The following SIPA1L3 variants were observed in gnomAD, a reference collection of about 807,000 sequenced individuals.
SIPA1L3 encodes signal induced proliferation associated 1 like 3.
In SIPA1L3, 59 loss-of-function variants were observed where a neutral mutation model predicts 150.1. The observed-to-expected ratio is 0.39, with a 90% CI of 0.32 to 0.49. SIPA1L3 has a LOEUF of 0.49. SIPA1L3 is among the 20% of genes least tolerant of loss of function. The pLI is 0.86. For synonymous variants in SIPA1L3, 1,070 were observed against 1,077.6 expected (o/e 0.99, Z 0.14); for missense variants, 2,211 against 2,489.5 (o/e 0.89, Z 2.38).
chr19:37,980,854 G>A (rs1967184820), intron 1 of SIPA1L3, among the ~76,000 whole-genome samples: 1 of 152,226 alleles, frequency 6.6e-6, no homozygotes, highest in African/African-American at 2.4e-5. Flanking sequence ...TCTCCTGTGA[G>A]CTGCGCTCAA....
At chr19:38,204,469 C>T (rs1264750122) in intron 21 of SIPA1L3, among the ~76,000 whole-genome samples, 2 of 152,166 alleles carry the variant, frequency 1.3e-5, no homozygotes, top group East Asian at 1.9e-4. Flanking sequence ...ATCAAAAAAA[C>T]ACAAAAAAAC....
chr19:38,125,955 C>A (rs1265677428), intron 9 of SIPA1L3, among the ~76,000 whole-genome samples: 1 of 152,126 alleles, frequency 6.6e-6, no homozygotes, highest in African/African-American at 2.4e-5. Flanking sequence ...GGGTGGATCA[C>A]CAGGTCAAGA....
intron 1 of SIPA1L3, chr19:37,964,378 C>T (rs1452540819): frequency 6.6e-6 from 1 of 152,194 alleles, no homozygotes; most frequent in Non-Finnish European, 1.5e-5. Context: ...GGTGGTAGAG[C>T]AAGATCCTGT....
intron 1 of SIPA1L3, among the ~76,000 whole-genome samples, chr19:37,944,842 C>T (rs833925): frequency 2.6e-5 from 4 of 151,902 alleles, no homozygotes; most frequent in African/African-American, 4.8e-5. Flanking sequence ...CCCAGCTACT[C>T]GGGAGGCTGA....
chr19:38,087,194 C>T (rs1662112766), intron 3 of SIPA1L3, among the ~76,000 whole-genome samples: 1 of 152,118 alleles, frequency 6.6e-6, no homozygotes, highest in Non-Finnish European at 1.5e-5. Flanking sequence ...AGTCATTGGT[C>T]AGTGTTTATT....
chr19:37,987,831 A>G (rs1967398778), intron 1 of SIPA1L3, among the ~76,000 whole-genome samples: 1 of 152,202 alleles, frequency 6.6e-6, no homozygotes, highest in African/African-American at 2.4e-5. Flanking sequence ...CTGCTCAGTA[A>G]ATGGTGGGTG....
chr19:38,008,949 C>A (rs867708641), intron 1 of SIPA1L3, among the ~76,000 whole-genome samples: 1 of 152,130 alleles, frequency 6.6e-6, no homozygotes, highest in Non-Finnish European at 1.5e-5. Flanking sequence ...GAGGAGCATG[C>A]CTGCACCACA....
At chr19:37,998,976 C>G (rs559354937) in intron 1 of SIPA1L3, among the ~76,000 whole-genome samples, 4 of 127,064 alleles carry the variant, frequency 3.1e-5, no homozygotes, top group African/African-American at 1.3e-4. Context: ...CCAGCCCTAT[C>G]TATCACACAC....
chr19:38,109,060 T>C (rs916655772), intron 7 of SIPA1L3, among the ~76,000 whole-genome samples: 1 of 152,086 alleles, frequency 6.6e-6, no homozygotes, highest in Non-Finnish European at 1.5e-5. Context: ...GAATACGGCG[T>C]CACCTGTGAA....
intron 1 of SIPA1L3, among the ~76,000 whole-genome samples, chr19:37,952,488 C>T (rs2046773676): frequency 6.6e-6 from 1 of 152,004 alleles, no homozygotes; most frequent in Admixed American, 6.5e-5. Flanking sequence ...GCCTGGCCAA[C>T]ATGGTGAAAC....
At chr19:38,019,816 G>A (rs576837662) in intron 1 of SIPA1L3, among the ~76,000 whole-genome samples, 1 of 152,130 alleles carries the variant, frequency 6.6e-6, no homozygotes, top group Non-Finnish European at 1.5e-5. Context: ...GGCCAGGTGT[G>A]GTGGCTCACA....
intron 1 of SIPA1L3, among the ~76,000 whole-genome samples, chr19:37,939,392 T>TC (rs2046631438): frequency 9.4e-6 from 1 of 106,026 alleles, no homozygotes; most frequent in South Asian, 3.2e-4. Context: ...AGAGTGAGAC[T>TC]CCATGTCAAA....
intron 1 of SIPA1L3, among the ~76,000 whole-genome samples, chr19:37,953,959 C>T (rs2046786608): frequency 6.6e-6 from 1 of 152,156 alleles, no homozygotes; most frequent in Admixed American, 6.5e-5. Flanking sequence ...CCTCCTTGTA[C>T]ACTGTAAAGC....
chr19:38,000,878 T>A (rs1235632544), intron 1 of SIPA1L3, among the ~76,000 whole-genome samples: 1 of 138,960 alleles, frequency 7.2e-6, no homozygotes, highest in African/African-American at 2.8e-5. Flanking sequence ...CCAAGTTTTT[T>A]ATATATATAT....
intron 1 of SIPA1L3, among the ~76,000 whole-genome samples, chr19:37,942,816 G>A (rs1246401553): frequency 1.3e-5 from 2 of 152,046 alleles, no homozygotes; most frequent in African/African-American, 4.8e-5. Context: ...GCGGGTTCAG[G>A]CTTTGGTCTG....
chr19:38,012,945 T>C (rs1968138853), intron 1 of SIPA1L3, among the ~76,000 whole-genome samples: 1 of 152,204 alleles, frequency 6.6e-6, no homozygotes, highest in Admixed American at 6.5e-5. Flanking sequence ...CTTCTGTGTC[T>C]TGTTTCTGGC....
chr19:37,957,224 C>T (rs2046818936), intron 1 of SIPA1L3, among the ~76,000 whole-genome samples: 1 of 152,194 alleles, frequency 6.6e-6, no homozygotes, highest in South Asian at 2.1e-4. Flanking sequence ...TAAGTCCTCA[C>T]CTTGTTTTGT....
At chr19:38,201,127 C>T (rs1316074429) in intron 19 of SIPA1L3, among the ~76,000 whole-genome samples, 5 of 152,324 alleles carry the variant, frequency 3.3e-5, no homozygotes, top group South Asian at 2.1e-4. Flanking sequence ...CACACAGGGA[C>T]GCCTTGGTGT....
chr19:38,106,190 T>G lies in SIPA1L3; in HGVS notation c.2030-347T>G, dbSNP rs1368245912. The G allele has an allele frequency of 2.5e-5, 7 of 276,208 alleles. No homozygotes were observed. In the East Asian group the frequency reaches 9.3e-4, roughly 37 times the overall value. The allele number at this position is 276,208 out of a possible 1,614,324, so 17.1% of individuals were successfully genotyped here. A position where few individuals can be genotyped will look rare whatever the true frequency, so the allele number is the denominator to read the frequency against. On this transcript the variant is annotated intron_variant, in intron 6 of 21. Transcript: ENST00000222345. ...GGCGTGATCTCGGCTCGCTGCAACC[T>G]CCGCCTCCCGGGTTCAAGCGATTCT...
Sources: gnomAD v4.1 joint callset for allele counts (sites outside exome capture counted in the v4.1 genomes callset) on GRCh38, gnomAD v4.1.1 for gene constraint, MANE v1.5 for transcripts, NCBI Gene and HGNC (gene_info 2026-07-23, HGNC 2026-07-21) for gene names.